Variants in ZNF248 observed in about 807,000 individuals in gnomAD.
The protein encoded by ZNF248 is zinc finger protein 248.
ZNF248 carries 20 observed loss-of-function variants against 44.3 expected under a neutral mutation model. That is an observed-to-expected ratio of 0.45 (90% CI 0.32 to 0.66). The LOEUF (loss-of-function observed/expected upper bound fraction) is 0.66. Among genes scored for constraint, ZNF248 ranks in the 30% least tolerant of loss-of-function variants. The pLI, the probability that ZNF248 is intolerant of heterozygous loss-of-function variation, is 0.04. For synonymous variants in ZNF248, 224 were observed against 229.0 expected, an observed-to-expected ratio of 0.98 and a Z score of 0.20; for missense variants, 654 against 677.0, an observed-to-expected ratio of 0.97 and a Z score of 0.38.
At position 37,802,014 on chromosome 10, in the gene ZNF248, C is replaced by T. The variant is rs562873396; in HGVS notation, c.331-25439G>A. 2.0e-4 allele frequency among the ~76,000 whole-genome samples: 31 copies of T among 152,312 alleles called. No homozygotes were observed. In the South Asian group the frequency reaches 6.0e-3, roughly 29 times the overall value. On this transcript the variant is annotated intron_variant, in intron 6 of 6. Coordinates refer to the ZNF248 transcript ENST00000615949. ...GATGAGAAAGATCAAAAATCTGCAG[C>T]TCAGCTTCGATAATCTGGGACATTA... is the stretch of plus-strand genomic sequence containing the variant.
At chr10:37,845,799 T>C (rs1046513364) in intron 3 of ZNF248, among the ~76,000 whole-genome samples, 4 of 152,176 alleles carry the variant, frequency 2.6e-5, no homozygotes, top group African/African-American at 7.2e-5. Context: ...AATGAATAGT[T>C]TGTATTTCAT....
intron 6 of ZNF248, among the ~76,000 whole-genome samples, chr10:37,808,569 G>C (rs1236431561): frequency 6.6e-6 from 1 of 152,110 alleles, no homozygotes; most frequent in Non-Finnish European, 1.5e-5. Flanking sequence ...ACAGGCAGTA[G>C]CCACCATACC....
At chr10:37,769,848 C>T in the ZNF248 span, among the ~76,000 whole-genome samples, 40 of 152,076 alleles carry the variant, frequency 2.6e-4, no homozygotes, top group South Asian at 1.2e-3. Context: ...TGTTTGCAGA[C>T]GACATGATTG....
At chr10:37,843,694 T>A (rs2058763439) in intron 3 of ZNF248, among the ~76,000 whole-genome samples, 1 of 152,140 alleles carries the variant, frequency 6.6e-6, no homozygotes, top group Admixed American at 6.5e-5. Context: ...AGGCCAACAA[T>A]GTCTGAACTG....
intron 6 of ZNF248, among the ~76,000 whole-genome samples, chr10:37,780,653 A>C (rs2047176475): frequency 6.6e-6 from 1 of 152,172 alleles, no homozygotes; most frequent in Admixed American, 6.5e-5. Flanking sequence ...GCCTGGAAGC[A>C]AAGCTCGCGC....
At chr10:37,834,921 A>G (rs1457035719) in intron 5 of ZNF248, among the ~76,000 whole-genome samples, 1 of 152,234 alleles carries the variant, frequency 6.6e-6, no homozygotes, top group African/African-American at 2.4e-5. Context: ...AATTTAAGAC[A>G]GGTAGCAAGG....
chr10:37,842,211 T>G (rs1370156391), intron 3 of ZNF248, among the ~76,000 whole-genome samples: 1 of 152,024 alleles, frequency 6.6e-6, no homozygotes. Context: ...GTTTATATAA[T>G]AAGAAAGAAA....
At chr10:37,792,735 C>A (rs1403320264) in intron 6 of ZNF248, among the ~76,000 whole-genome samples, 1 of 152,144 alleles carries the variant, frequency 6.6e-6, no homozygotes, top group Non-Finnish European at 1.5e-5. Context: ...TAGGCAGTCA[C>A]AGATTGAAAG....
intron 6 of ZNF248, among the ~76,000 whole-genome samples, chr10:37,804,102 T>TTTC (rs1491304851): frequency 1.6e-3 from 37 of 22,894 alleles, no homozygotes; most frequent in Non-Finnish European, 2.3e-3. Context: ...TTTCTTTTTC[T>TTTC]TTTTTTTTTT....
intron 6 of ZNF248, among the ~76,000 whole-genome samples, chr10:37,793,807 A>C (rs1467869156): frequency 6.6e-6 from 1 of 152,226 alleles, no homozygotes; most frequent in Non-Finnish European, 1.5e-5. Context: ...ACATATACAT[A>C]TAAGAATGTT....
chr10:37,767,826 C>A, the ZNF248 span, among the ~76,000 whole-genome samples: 1 of 152,130 alleles, frequency 6.6e-6, no homozygotes, highest in Non-Finnish European at 1.5e-5. Context: ...AAGACACAGA[C>A]TGGCAAATTG....
In ZNF248 at chr10:37,830,110, A is replaced by G. The variant is rs2055224618; in HGVS notation, c.*1505T>C. On this transcript the variant is annotated 3_prime_UTR_variant, in exon 6 of 6. Transcript: ENST00000395867. ...AGTGTTACATAGACCGTGCCCAAAC[A>G]GATACACAATGAAAAATCAAGGATA... 9.1e-6 allele frequency: 9 copies of G among 985,446 alleles called. No homozygotes were observed. The highest frequency in any genetic ancestry group is 9.6e-6 in the Non-Finnish European group (8 of 829,936). 61.0% of individuals were successfully genotyped at this position (985,446 alleles called of 1,614,324 possible).
At chr10:37,781,893 A>G (rs1452209423) in intron 6 of ZNF248, among the ~76,000 whole-genome samples, 2 of 152,218 alleles carry the variant, frequency 1.3e-5, no homozygotes, top group African/African-American at 2.4e-5. Flanking sequence ...CTGACATTAC[A>G]TGGCTGGGCT....
chr10:37,857,896 G>C (rs904066674), upstream of ZNF248: 1 of 152,352 alleles, frequency 6.6e-6, no homozygotes, highest in Non-Finnish European at 1.5e-5. Context: ...TCCCACCGTC[G>C]CCGCAGGCGC....
the ZNF248 span, among the ~76,000 whole-genome samples, chr10:37,769,287 C>T: frequency 3.3e-5 from 5 of 152,156 alleles, no homozygotes; most frequent in East Asian, 3.8e-4. Context: ...CCAGCACCAT[C>T]CTGATACCAA....
chr10:37,787,580 T>C (rs1447815692), intron 6 of ZNF248, among the ~76,000 whole-genome samples: 1 of 151,838 alleles, frequency 6.6e-6, no homozygotes, highest in African/African-American at 2.4e-5. Context: ...AAGAGGAAAT[T>C]AAATTTGGCA....
intron 3 of ZNF248, among the ~76,000 whole-genome samples, chr10:37,842,465 C>G (rs921966201): frequency 1.3e-5 from 2 of 152,140 alleles, no homozygotes; most frequent in African/African-American, 4.8e-5. Flanking sequence ...TTGCCTTTAC[C>G]CCAACCCTCC....
At chr10:37,759,725 T>A in the ZNF248 span, among the ~76,000 whole-genome samples, 1 of 152,180 alleles carries the variant, frequency 6.6e-6, no homozygotes, top group South Asian at 2.1e-4. Context: ...CGAGTTGAGG[T>A]TAGAGCCCAA....
the ZNF248 span, among the ~76,000 whole-genome samples, chr10:37,770,374 T>C: frequency 2.0e-5 from 3 of 152,154 alleles, no homozygotes; most frequent in Non-Finnish European, 4.4e-5. Flanking sequence ...CTTCAAACTA[T>C]ACTACAAGGC....
Sources: allele counts gnomAD v4.1 joint callset (sites outside exome capture counted in the v4.1 genomes callset), GRCh38; gene constraint gnomAD v4.1.1; transcripts MANE v1.5; gene names NCBI Gene and HGNC (gene_info 2026-07-23, HGNC 2026-07-21).